KHDRBS2: variants seen among roughly 807,000 people sequenced by gnomAD.
The protein encoded by KHDRBS2 is KH RNA binding domain containing, signal transduction associated 2.
A neutral mutation model predicts 44.3 loss-of-function variants in KHDRBS2; 26 were observed. That is an observed-to-expected ratio of 0.59 (90% CI 0.43 to 0.81). KHDRBS2 has a LOEUF of 0.81. KHDRBS2 is among the 40% of genes least tolerant of loss of function. The pLI is 0.00. For synonymous variants in KHDRBS2, 194 were observed against 151.1 expected (o/e 1.28, Z -2.08); for missense variants, 476 against 433.1 (o/e 1.10, Z -0.88).
chr6:61,748,388 A>C (rs182918980), intron 6 of KHDRBS2, among the ~76,000 whole-genome samples: 1 of 152,150 alleles, frequency 6.6e-6, no homozygotes, highest in Non-Finnish European at 1.5e-5. Flanking sequence ...GATTTTGCTT[A>C]GGGCTGATGA....
intron 3 of KHDRBS2, among the ~76,000 whole-genome samples, chr6:62,038,385 A>G (rs78479275): frequency 0.012 from 1,783 of 152,012 alleles, 34 homozygotes; most frequent in African/African-American, 0.04. Flanking sequence ...TAAAGCCAGA[A>G]AACAGTTTTC....
At chr6:61,647,212 T>C in the KHDRBS2 span, among the ~76,000 whole-genome samples, 4 of 152,058 alleles carry the variant, frequency 2.6e-5, no homozygotes, top group Non-Finnish European at 5.9e-5. Context: ...CAATGAAAAA[T>C]GATGGTGAAA....
At chr6:62,067,031 TTTAAC>T (rs1793893114) in intron 2 of KHDRBS2, among the ~76,000 whole-genome samples, 1 of 151,564 alleles carries the variant, frequency 6.6e-6, no homozygotes, top group South Asian at 2.1e-4. Flanking sequence ...AGTTTTAAAT[TTTAAC>T]TTAATATTTT....
intron 4 of KHDRBS2, among the ~76,000 whole-genome samples, chr6:61,916,828 A>G (rs1435445490): frequency 6.6e-6 from 1 of 151,952 alleles, no homozygotes; most frequent in South Asian, 2.1e-4. Flanking sequence ...GTATGAAAAG[A>G]TGCTCAAAAT....
chr6:61,895,840 T>C (rs1381305045), intron 5 of KHDRBS2, among the ~76,000 whole-genome samples: 1 of 152,156 alleles, frequency 6.6e-6, no homozygotes, highest in African/African-American at 2.4e-5. Flanking sequence ...TATGGGGACA[T>C]AGGTTATGCT....
intron 6 of KHDRBS2, among the ~76,000 whole-genome samples, chr6:61,750,777 A>AAC (rs1777566432): frequency 6.6e-6 from 1 of 151,218 alleles, no homozygotes; most frequent in Non-Finnish European, 1.5e-5. Context: ...AAAAAAAAAA[A>AAC]CATCTAGGAG....
At chr6:62,040,148 T>A (rs1227014249) in intron 3 of KHDRBS2, among the ~76,000 whole-genome samples, 4 of 152,040 alleles carry the variant, frequency 2.6e-5, no homozygotes, top group Non-Finnish European at 5.9e-5. Context: ...CTTCAATTAT[T>A]TGACGGTGGG....
chr6:62,247,968 G>T (rs1835887737), intron 1 of KHDRBS2, among the ~76,000 whole-genome samples: 1 of 151,966 alleles, frequency 6.6e-6, no homozygotes, highest in African/African-American at 2.4e-5. Flanking sequence ...TTCCTTAAAT[G>T]GAATAGTAGT....
At chr6:61,604,777 G>T in the KHDRBS2 span, among the ~76,000 whole-genome samples, 1 of 152,134 alleles carries the variant, frequency 6.6e-6, no homozygotes, top group Non-Finnish European at 1.5e-5. Flanking sequence ...AATAACTCTT[G>T]GTCTGGGTAG....
intron 6 of KHDRBS2, among the ~76,000 whole-genome samples, chr6:61,850,565 T>G (rs1218601034): frequency 2.0e-5 from 3 of 152,190 alleles, no homozygotes; most frequent in Admixed American, 6.5e-5. Context: ...AATAACTCAC[T>G]TATAATTGTA....
chr6:62,255,692 A>AC (rs1837284112), intron 1 of KHDRBS2, among the ~76,000 whole-genome samples: 1 of 151,250 alleles, frequency 6.6e-6, no homozygotes, highest in African/African-American at 2.4e-5. Context: ...GTGAGTCCTT[A>AC]CCAAACCCTT....
At chr6:62,136,993 C>CTTTTTTTTTTTTT (rs141092447) in intron 2 of KHDRBS2, among the ~76,000 whole-genome samples, 77 of 78,302 alleles carry the variant, frequency 9.8e-4, no homozygotes, top group South Asian at 1.4e-3. Flanking sequence ...TCTTTCTTTT[C>CTTTTTTTTTTTTT]TTTTTTTTTT....
At chr6:62,019,240 A>G (rs1002228935) in intron 3 of KHDRBS2, among the ~76,000 whole-genome samples, 1 of 152,212 alleles carries the variant, frequency 6.6e-6, no homozygotes, top group African/African-American at 2.4e-5. Flanking sequence ...AATTAAGTAT[A>G]ATGTTAACTG....
the KHDRBS2 span, among the ~76,000 whole-genome samples, chr6:61,622,876 A>T: frequency 6.6e-6 from 1 of 152,118 alleles, no homozygotes; most frequent in Admixed American, 6.6e-5. Context: ...TGATGGTCAG[A>T]TAAGTGTTCA....
chr6:62,132,936 G>A (rs1274168688), intron 2 of KHDRBS2, among the ~76,000 whole-genome samples: 1 of 152,088 alleles, frequency 6.6e-6, no homozygotes, highest in East Asian at 1.9e-4. Flanking sequence ...GAGGATATAA[G>A]GTATGACTCA....
intron 1 of KHDRBS2, among the ~76,000 whole-genome samples, chr6:62,258,585 A>C (rs1837810815): frequency 6.6e-6 from 1 of 152,062 alleles, no homozygotes; most frequent in African/African-American, 2.4e-5. Context: ...TTCAATGTAC[A>C]TAAACTTTGT....
intron 2 of KHDRBS2, among the ~76,000 whole-genome samples, chr6:62,066,530 T>C (rs1226776557): frequency 4.0e-5 from 6 of 151,724 alleles, no homozygotes; most frequent in African/African-American, 7.2e-5. Flanking sequence ...TCTAAGTAAA[T>C]GTTTTGTTTA....
At chr6:61,674,499 G>A in the KHDRBS2 span, among the ~76,000 whole-genome samples, 1 of 151,610 alleles carries the variant, frequency 6.6e-6, no homozygotes, top group East Asian at 2.0e-4. Flanking sequence ...TTGCATTCTT[G>A]TTCAAAGAAT....
At chr6:62,133,634 T>C (rs1180906754) in intron 2 of KHDRBS2, among the ~76,000 whole-genome samples, 2 of 152,154 alleles carry the variant, frequency 1.3e-5, no homozygotes, top group Non-Finnish European at 2.9e-5. Context: ...TGGAATATTT[T>C]GGAGGGTTCA....
Sources: allele counts gnomAD v4.1 joint callset (sites outside exome capture counted in the v4.1 genomes callset), GRCh38; gene constraint gnomAD v4.1.1; transcripts MANE v1.5; gene names NCBI Gene and HGNC (gene_info 2026-07-23, HGNC 2026-07-21).